The following PYGL variants were observed in gnomAD, a reference collection of about 807,000 sequenced individuals.
PYGL encodes glycogen phosphorylase L.
PYGL carries 90 observed loss-of-function variants against 100.1 expected under a neutral mutation model. The ratio of observed to expected loss-of-function variants is 0.90; its 90% CI spans 0.76 to 1.07. The LOEUF (loss-of-function observed/expected upper bound fraction) is 1.07. PYGL is among the 50% of genes least tolerant of loss of function. PYGL has a pLI of 0.00. For synonymous variants in PYGL, 373 were observed against 393.0 expected (o/e 0.95, Z 0.60); for missense variants, 1,016 against 1,057.6 (o/e 0.96, Z 0.55).
At position 50,908,938 on chromosome 14, in the gene PYGL, T is replaced by C. The variant is rs1201878335; in HGVS notation, c.2195A>G (p.Tyr732Cys). Reference protein sequence around the residue: ...LDKKGYEAKEYYEALPELKLV... With the variant: ...LDKKGYEAKECYEALPELKLV... ...CTTCAGCTCTGGAAGTGCCTCATAG[T>C]ATTCTTTTGCCTCGTACCTGTGGGG... Residue 732 changes from tyrosine (Y) to cysteine (C), a missense_variant, in exon 18 of 20, where the codon TAC becomes TGC. Transcript: ENST00000216392. The C allele has an allele frequency of 2.5e-6, 4 of 1,607,252 alleles. No homozygotes were observed. Among genetic ancestry groups the C allele is most frequent in the Non-Finnish European group, 3.4e-6 (4 of 1,174,440 alleles).
intron 16 of PYGL, 119 bp from the exon 17 acceptor site, chr14:50,910,221 T>G: frequency 9.3e-7 from 1 of 1,075,250 alleles, no homozygotes; most frequent in Non-Finnish European, 1.4e-6. Flanking sequence ...CACATTAAGA[T>G]AAACATTCAA....
chr14:50,917,002 G>A lies in PYGL; in HGVS notation c.959C>T (p.Thr320Ile), dbSNP rs140620840. ...ATCAAACACAGTTCCTGCACCACGG[G>A]TGGAGCCAAACTTGGAGGCTTTGAA... is the stretch of plus-strand genomic sequence containing the variant. ...RRFKASKFGS[T>I]RGAGTVFDAF... The change falls in exon 8 of 20, where the codon ACC becomes ATC. Residue 320 changes from threonine to isoleucine, a missense_variant. Coordinates refer to ENST00000216392, the MANE Select transcript of PYGL (RefSeq NM_002863.5). 28 of 1,614,218 alleles carry A rather than the reference G, an allele frequency of 1.7e-5. No individual in the cohort carries two copies. Among genetic ancestry groups the A allele is most frequent in the Non-Finnish European group, 2.3e-5 (27 of 1,180,018 alleles).
chr14:50,919,651 G>C (rs962965848), intron 7 of PYGL, among the ~76,000 whole-genome samples: 1 of 149,188 alleles, frequency 6.7e-6, no homozygotes, highest in African/African-American at 2.5e-5. Flanking sequence ...AGTTATCTGA[G>C]ATCCAGTTCC....
intron 2 of PYGL, 95 bp from the exon 3 acceptor site, chr14:50,935,280 G>C (rs2050644609): frequency 5.8e-6 from 6 of 1,035,498 alleles, no homozygotes; most frequent in South Asian, 3.9e-5. Context: ...AAGGTATTCA[G>C]GTTTAGCTGT....
chr14:50,934,094 G>A (rs1279734807), intron 3 of PYGL, among the ~76,000 whole-genome samples: 1 of 152,140 alleles, frequency 6.6e-6, no homozygotes, highest in Non-Finnish European at 1.5e-5. Flanking sequence ...TGGTTATAGA[G>A]ATGTGTATTT....
chr14:50,933,256 C>T (rs1259540511), intron 3 of PYGL, among the ~76,000 whole-genome samples: 1 of 152,240 alleles, frequency 6.6e-6, no homozygotes, highest in African/African-American at 2.4e-5. Flanking sequence ...TGCTGGCCTT[C>T]CTGCAGCCCC....
intron 2 of PYGL, among the ~76,000 whole-genome samples, chr14:50,935,457 C>T (rs1055868380): frequency 6.6e-6 from 1 of 152,184 alleles, no homozygotes; most frequent in African/African-American, 2.4e-5. Flanking sequence ...AAGCTACTAA[C>T]TCTATGCCTC....
chr14:50,938,249 T>A (rs2050672913), intron 1 of PYGL, among the ~76,000 whole-genome samples: 1 of 152,224 alleles, frequency 6.6e-6, no homozygotes, highest in Non-Finnish European at 1.5e-5. Context: ...TCTTGCTCTG[T>A]CACCAGGCTG....
intron 5 of PYGL, chr14:50,923,638 A>G: frequency 4.4e-6 from 1 of 226,500 alleles, no homozygotes; most frequent in South Asian, 5.9e-5. Context: ...CTTAATATAA[A>G]ACCAAAGAGG....
At position 50,913,140 on chromosome 14, in the gene PYGL, C is replaced by G; in HGVS notation, c.1519-10G>C. ...AGTCTTCTCCAATTTTCTTTCAATT[C>G]AAAGGAAAAGATGACTTCAATTTGG... On this transcript the variant is annotated splice_polypyrimidine_tract_variant and intron_variant, in intron 12 of 19. Coordinates refer to ENST00000216392, the MANE Select transcript of PYGL (RefSeq NM_002863.5). 1 of 1,612,086 alleles carries G rather than the reference C, an allele frequency of 6.2e-7. No individual in the cohort carries two copies. The highest frequency in any genetic ancestry group is 8.5e-7 in the Non-Finnish European group (1 of 1,178,574).
At position 50,924,026 on chromosome 14, in the gene PYGL, C is replaced by T; in HGVS notation, c.603G>A (p.Val201=). 1 of 1,613,840 alleles carries T rather than the reference C, an allele frequency of 6.2e-7. No individual in the cohort carries two copies. ...TGTGTTCTACTTTTCCATAGAAGTG[C>T]ACAGGCAGCATGAATTCTGGGCGGG... The part of the protein sequence containing the change: ...EKSRPEFMLP[V]HFYGKVEHTN... The change falls in exon 5 of 20, where the codon GTG becomes GTA. Residue 201 remains valine (V), a synonymous_variant. Coordinates refer to ENST00000216392, the MANE Select transcript of PYGL (RefSeq NM_002863.5).
At position 50,911,803 on chromosome 14, in the gene PYGL, G is replaced by T. The variant is rs561786655; in HGVS notation, c.1896C>A (p.Asn632Lys). 5.6e-6 allele frequency: 9 copies of T among 1,613,980 alleles called. No individual in the cohort carries two copies. The highest frequency in any genetic ancestry group is 7.6e-6 in the Non-Finnish European group (9 of 1,179,994). The change falls in exon 16 of 20, where the codon AAC becomes AAA. Residue 632 changes from asparagine to lysine, a missense_variant. By Grantham distance (94) the Asn-to-Lys change is moderately conservative. Transcript: ENST00000216392. The part of the protein sequence containing the change: ...KLITSVADVV[N>K]NDPMVGSKLK... ...ACTTGCTTCCAACCATAGGGTCATTGTTCACCACATCTGCCACTGAAGTGA... is the reference window on the plus strand; with the variant it reads ...ACTTGCTTCCAACCATAGGGTCATTTTTCACCACATCTGCCACTGAAGTGA...
intron 2 of PYGL, among the ~76,000 whole-genome samples, 184 bp from the exon 3 acceptor site, chr14:50,935,369 G>A (rs941842577): frequency 3.9e-5 from 6 of 152,202 alleles, no homozygotes; most frequent in Non-Finnish European, 7.3e-5. Context: ...GTATGAGATG[G>A]TGCAGCTGCA....
At position 50,944,258 on chromosome 14, in the gene PYGL, G is replaced by C. The variant is rs751434020; in HGVS notation, c.146C>G (p.Thr49Ser). ...CGCCAGCGCGAAGTAGTAGTCGCGG[G>C]TGGTGGCCACGTTGCGGTCCTTGAC... Reference protein sequence around the residue: ...TLVKDRNVATTRDYYFALAHT... With the variant: ...TLVKDRNVATSRDYYFALAHT... The change falls in exon 1 of 20, where the codon ACC becomes AGC. Residue 49 changes from threonine to serine, a missense_variant. Thr to Ser is a moderately conservative substitution (Grantham distance 58, BLOSUM62 1). Coordinates refer to ENST00000216392, the MANE Select transcript of PYGL (RefSeq NM_002863.5). 1.2e-6 allele frequency: 2 copies of C among 1,613,802 alleles called. No homozygotes were observed. Among genetic ancestry groups the C allele is most frequent in the African/African-American group, 2.7e-5 (2 of 74,938 alleles).
chr14:50,908,085 C>A, intron 19 of PYGL, 186 bp downstream of exon 19: 6 of 468,902 alleles, frequency 1.3e-5, no homozygotes, highest in Admixed American at 4.0e-5. Flanking sequence ...TTGGCCTGAA[C>A]TTGGGAAAAG....
Position 50,924,087 on chromosome 14 carries a change from T to C in PYGL, c.542A>G (p.Asp181Gly), listed in dbSNP as rs2050525983. ...IRDGWQVEEA[D>G]DWLRYGNPWE... ...AGGGTTTCCATATCTGAGCCAATCA[T>C]CTGCTTCTTCTACCTGCAAAAGGAT... Residue 181 changes from aspartate (D) to glycine (G), a missense_variant, in exon 5 of 20, where the codon GAT becomes GGT. Physicochemically the swap from Asp to Gly is moderately conservative, Grantham distance 94. Coordinates refer to ENST00000216392, the MANE Select transcript of PYGL (RefSeq NM_002863.5). 1.2e-6 allele frequency: 2 copies of C among 1,613,720 alleles called. No individual in the cohort carries two copies. Among genetic ancestry groups the C allele is most frequent in the African/African-American group, 2.7e-5 (2 of 74,922 alleles).
chr14:50,938,100 T>A (rs2050671951), intron 1 of PYGL, among the ~76,000 whole-genome samples: 1 of 152,216 alleles, frequency 6.6e-6, no homozygotes, highest in Admixed American at 6.5e-5. Flanking sequence ...AAATAGGAGG[T>A]CTGCACAAGA....
intron 13 of PYGL, chr14:50,912,518 T>C (rs2050409246): frequency 1.7e-6 from 1 of 597,988 alleles, no homozygotes; most frequent in African/African-American, 1.9e-5. Flanking sequence ...AATTTTTGTA[T>C]TTTTAGTAGA....
Position 50,927,772 on chromosome 14 carries a change from C to A in PYGL, c.529-3672G>T, listed in dbSNP as rs187795622. ...AGATTGAGAAACAAGCGTTTCATAA[C>A]AAGTTGACCTGAGTAGATCTGAGGA... On this transcript the variant is annotated intron_variant, in intron 4 of 19. Transcript: ENST00000216392. Among the ~76,000 whole-genome samples the A allele has an allele frequency of 1.1e-4, 16 of 152,294 alleles. No homozygotes were observed. In the East Asian group the frequency reaches 3.1e-3, roughly 29 times the overall value.
Sources: gnomAD v4.1 joint callset for allele counts (sites outside exome capture counted in the v4.1 genomes callset) on GRCh38, gnomAD v4.1.1 for gene constraint, MANE v1.5 for transcripts, NCBI Gene and HGNC (gene_info 2026-07-23, HGNC 2026-07-21) for gene names.